Variants in TINAG observed in about 807,000 individuals in gnomAD.
The protein encoded by TINAG is tubulointerstitial nephritis antigen.
In TINAG, 83 loss-of-function variants were observed where a neutral mutation model predicts 72.7. That is an observed-to-expected ratio of 1.14 (90% CI 0.96 to 1.37). The LOEUF (loss-of-function observed/expected upper bound fraction) is 1.37. Among genes scored for constraint, TINAG ranks in the 40% most tolerant of loss-of-function variants. The probability of loss-of-function intolerance (pLI) is 0.00; values close to 1 mark genes in which losing one functional copy is unlikely to be tolerated. For synonymous variants in TINAG, 234 were observed against 189.9 expected, an observed-to-expected ratio of 1.23 and a Z score of -1.91; for missense variants, 685 against 576.6, an observed-to-expected ratio of 1.19 and a Z score of -1.93.
chr6:54,316,335 T>TA (rs1185128579), intron 1 of TINAG, among the ~76,000 whole-genome samples: 5 of 152,124 alleles, frequency 3.3e-5, no homozygotes, highest in Non-Finnish European at 7.4e-5. Flanking sequence ...TCCTCATAAG[T>TA]AAAAAAATTA....
At chr6:54,337,903 A>G (rs1784905065) in intron 4 of TINAG, among the ~76,000 whole-genome samples, 2 of 152,108 alleles carry the variant, frequency 1.3e-5, no homozygotes, top group South Asian at 4.1e-4. Context: ...CTCATCTCAG[A>G]ATTTTTTCAT....
chr6:54,369,698 T>C (rs909228434), intron 9 of TINAG, among the ~76,000 whole-genome samples: 1 of 151,928 alleles, frequency 6.6e-6, no homozygotes, highest in Non-Finnish European at 1.5e-5. Flanking sequence ...ATTTTAAATA[T>C]CATCATTATA....
intron 5 of TINAG, among the ~76,000 whole-genome samples, chr6:54,343,725 C>T (rs1022254051): frequency 2.0e-5 from 3 of 151,030 alleles, no homozygotes; most frequent in South Asian, 2.1e-4. Context: ...AATCCTCATA[C>T]CTTTACTCTT....
At chr6:54,324,792 T>C (rs544211554) in intron 3 of TINAG, among the ~76,000 whole-genome samples, 1 of 152,236 alleles carries the variant, frequency 6.6e-6, no homozygotes, top group South Asian at 2.1e-4. Context: ...TCTTCCATTC[T>C]AGACTATATT....
At chr6:54,346,265 T>C (rs1785118675) in intron 5 of TINAG, among the ~76,000 whole-genome samples, 1 of 152,104 alleles carries the variant, frequency 6.6e-6, no homozygotes, top group Non-Finnish European at 1.5e-5. Context: ...CCTTGTTTCT[T>C]GTTCATCATT....
intron 9 of TINAG, among the ~76,000 whole-genome samples, chr6:54,371,337 A>T (rs796827620): frequency 1.7e-4 from 26 of 152,120 alleles, no homozygotes; most frequent in African/African-American, 6.3e-4. Flanking sequence ...TTCCACTGGG[A>T]TAATAAGTTT....
At chr6:54,383,028 G>A (rs1227026465) in intron 10 of TINAG, among the ~76,000 whole-genome samples, 1 of 152,086 alleles carries the variant, frequency 6.6e-6, no homozygotes, top group East Asian at 1.9e-4. Context: ...AGGATATAAT[G>A]TCCCCACACT....
chr6:54,341,558 C>A (rs1028838821), intron 4 of TINAG, among the ~76,000 whole-genome samples: 1 of 147,386 alleles, frequency 6.8e-6, no homozygotes, highest in East Asian at 1.9e-4. Context: ...CAAAACTGAA[C>A]TCCCCTATTA....
At chr6:54,332,528 T>C (rs183193224) in intron 4 of TINAG, among the ~76,000 whole-genome samples, 2 of 152,208 alleles carry the variant, frequency 1.3e-5, no homozygotes, top group African/African-American at 4.8e-5. Context: ...GCAGAAAACC[T>C]AGGCAATACC....
At chr6:54,333,151 A>G (rs1430841218) in intron 4 of TINAG, among the ~76,000 whole-genome samples, 2 of 152,182 alleles carry the variant, frequency 1.3e-5, no homozygotes, top group Non-Finnish European at 2.9e-5. Context: ...TCATTCTACT[A>G]TAAAGACACA....
At chr6:54,379,632 T>A (rs1763885726) in intron 9 of TINAG, among the ~76,000 whole-genome samples, 1 of 152,116 alleles carries the variant, frequency 6.6e-6, no homozygotes, top group Admixed American at 6.6e-5. Flanking sequence ...AAATGTTTAG[T>A]TTATGCCATT....
chr6:54,369,878 A>G (rs1302246772), intron 9 of TINAG: 3 of 152,050 alleles, frequency 2.0e-5, no homozygotes, highest in African/African-American at 4.8e-5. Flanking sequence ...AGGTCCAGAT[A>G]GTTTAATCTG....
intron 4 of TINAG, among the ~76,000 whole-genome samples, chr6:54,334,040 T>C (rs1291071053): frequency 2.6e-5 from 4 of 152,170 alleles, no homozygotes; most frequent in Non-Finnish European, 4.4e-5. Flanking sequence ...TTTTAAGAGG[T>C]GTTATCATCT....
intron 4 of TINAG, among the ~76,000 whole-genome samples, chr6:54,341,236 G>A (rs887617035): frequency 1.3e-5 from 2 of 152,068 alleles, no homozygotes; most frequent in Admixed American, 1.3e-4. Flanking sequence ...AAGGGTATGA[G>A]TTTTAAGATA....
intron 9 of TINAG, among the ~76,000 whole-genome samples, chr6:54,370,984 G>T (rs983359769): frequency 6.6e-6 from 1 of 152,042 alleles, no homozygotes; most frequent in African/African-American, 2.4e-5. Flanking sequence ...GCAAGACAAG[G>T]CAAATAACAA....
rs3777641 is a variant in TINAG at position 54,347,591 on chromosome 6, C to T, written c.899+74C>T. ...TTGTGTTAGAACAAGGAAAATAATC[C>T]CAAGATTTTTACAAAAAAGTACTTA... On this transcript the variant is annotated intron_variant, in intron 6 of 10. Coordinates refer to ENST00000259782, the MANE Select transcript of TINAG (RefSeq NM_014464.4). 6.0e-3 allele frequency: 9,043 copies of T among 1,496,804 alleles called. 202 individuals are homozygous for T. Among genetic ancestry groups the T allele is most frequent in the East Asian group, 0.046 (1,923 of 42,122 alleles). The allele number at this position is 1,496,804 out of a possible 1,614,324, so 92.7% of individuals were successfully genotyped here.
intron 9 of TINAG, among the ~76,000 whole-genome samples, chr6:54,357,052 C>T (rs1391202564): frequency 2.0e-5 from 3 of 151,982 alleles, no homozygotes; most frequent in African/African-American, 7.2e-5. Context: ...TCTTAAACTG[C>T]ACCAATCATG....
chr6:54,389,015 C>T (rs1374885966), intron 10 of TINAG, among the ~76,000 whole-genome samples: 1 of 152,060 alleles, frequency 6.6e-6, no homozygotes, highest in African/African-American at 2.4e-5. Context: ...TTCTTTCCTG[C>T]TAGAATCAAC....
intron 9 of TINAG, among the ~76,000 whole-genome samples, chr6:54,355,713 ACG>A (rs1491526118): frequency 3.0e-5 from 3 of 99,120 alleles, no homozygotes; most frequent in African/African-American, 1.1e-4. Flanking sequence ...AAAAAATGTA[ACG>A]TGTGTGTGTG....
Sources: gnomAD v4.1 joint callset for allele counts (sites outside exome capture counted in the v4.1 genomes callset) on GRCh38, gnomAD v4.1.1 for gene constraint, MANE v1.5 for transcripts, NCBI Gene and HGNC (gene_info 2026-07-23, HGNC 2026-07-21) for gene names.